The following TCF7L2 variants were observed in gnomAD, a reference collection of about 807,000 sequenced individuals.
The protein encoded by TCF7L2 is transcription factor 7-like 2.
In TCF7L2, 23 loss-of-function variants were observed where a neutral mutation model predicts 77.9. The ratio of observed to expected loss-of-function variants is 0.30; its 90% CI spans 0.21 to 0.42. The LOEUF is 0.42. Ranked by LOEUF, TCF7L2 falls within the 10% of genes least tolerant of loss-of-function variation. The pLI is 1.00. For synonymous variants in TCF7L2, 413 were observed against 340.2 expected (o/e 1.21, Z -2.36); for missense variants, 654 against 793.1 (o/e 0.82, Z 2.11).
In TCF7L2 at chr10:112,966,184, T is replaced by TTATATATATTTATATATATA. The variant is rs1477073663; in HGVS notation, c.450+1569_450+1570insTTATATATATATATATATAT. 4.6e-3 allele frequency among the ~76,000 whole-genome samples: 521 copies of TTATATATATTTATATATATA among 114,202 alleles called. 29 individuals are homozygous for TTATATATATTTATATATATA. Among genetic ancestry groups the TTATATATATTTATATATATA allele is most frequent in the African/African-American group, 0.013 (274 of 21,010 alleles). The allele number at this position is 114,202 out of a possible 152,430, so 74.9% of individuals were successfully genotyped here. A position where few individuals can be genotyped will look rare whatever the true frequency, so the allele number is the denominator to read the frequency against. ...GAGTGAGACTCTGTCTAAAATATAT[T>TTATATATATTTATATATATA]TATATATATATATATATATATATAT... On this transcript the variant is annotated intron_variant, in intron 4 of 13. Transcript: ENST00000627217.
chr10:113,043,790 T>TA (rs1328556022), intron 5 of TCF7L2, among the ~76,000 whole-genome samples: 2 of 152,160 alleles, frequency 1.3e-5, no homozygotes, highest in African/African-American at 4.8e-5. Flanking sequence ...TTTTTCCTCT[T>TA]ACAAAATGAG....
chr10:112,996,225 TGAGAAAAATGA>T (rs1271563269), intron 4 of TCF7L2, among the ~76,000 whole-genome samples: 2 of 151,966 alleles, frequency 1.3e-5, no homozygotes, highest in African/African-American at 4.8e-5. Context: ...TGTTGTGCAT[TGAGAAAAATGA>T]CTCTCGGAGG....
intron 5 of TCF7L2, among the ~76,000 whole-genome samples, chr10:113,135,565 G>A (rs537583053): frequency 9.2e-5 from 14 of 152,210 alleles, no homozygotes; most frequent in African/African-American, 2.9e-4. Flanking sequence ...TTAATGGTTC[G>A]GCTTTTTAGT....
intron 3 of TCF7L2, among the ~76,000 whole-genome samples, chr10:112,960,052 C>T (rs527748084): frequency 1.3e-5 from 2 of 151,968 alleles, no homozygotes; most frequent in East Asian, 3.9e-4. Context: ...AAATGTTCCA[C>T]CTCTTCCCAA....
At chr10:113,023,214 G>C (rs1455352522) in intron 4 of TCF7L2, among the ~76,000 whole-genome samples, 1 of 152,146 alleles carries the variant, frequency 6.6e-6, no homozygotes, top group Non-Finnish European at 1.5e-5. Flanking sequence ...TTTGTGCCCC[G>C]GTGTCTGCAA....
intron 4 of TCF7L2, among the ~76,000 whole-genome samples, chr10:112,975,260 G>A (rs1314477814): frequency 6.6e-6 from 1 of 152,158 alleles, no homozygotes; most frequent in Non-Finnish European, 1.5e-5. Context: ...TTTAAGGGGT[G>A]CAGCTAGGAA....
At position 112,982,224 on chromosome 10, in the gene TCF7L2, CT is replaced by C. The variant is rs528962598; in HGVS notation, c.450+17610del. Among the ~76,000 whole-genome samples the C allele has an allele frequency of 4.8e-3, 716 of 150,178 alleles. 9 individuals carry two copies. Among genetic ancestry groups the C allele is most frequent in the South Asian group, 0.027 (126 of 4,740 alleles). ...CTATCCCAGTATTTAATTTCCACCA[CT>C]TTTTTTTTTAAAAAATAACATAAGG... On this transcript the variant is annotated intron_variant, in intron 4 of 13. Transcript: ENST00000627217.
chr10:113,020,922 C>T (rs1261538879), intron 4 of TCF7L2, among the ~76,000 whole-genome samples: 5 of 152,076 alleles, frequency 3.3e-5, no homozygotes, highest in Non-Finnish European at 7.4e-5. Flanking sequence ...AACTGAAGGT[C>T]GGAGAGACTA....
At chr10:112,994,320 T>C (rs2043102296) in intron 4 of TCF7L2, among the ~76,000 whole-genome samples, 3 of 152,236 alleles carry the variant, frequency 2.0e-5, no homozygotes, top group South Asian at 2.1e-4. Flanking sequence ...AATGGTATCA[T>C]AAAATCTATG....
chr10:113,123,739 A>G (rs2065143114), intron 5 of TCF7L2, among the ~76,000 whole-genome samples: 1 of 152,202 alleles, frequency 6.6e-6, no homozygotes, highest in African/African-American at 2.4e-5. Context: ...TTTTTAAAAA[A>G]GGAGTGCTAG....
In TCF7L2 at chr10:113,151,902, CAG is replaced by C. The variant is rs1307361388; in HGVS notation, c.1161+19_1161+20del. 6.3e-7 allele frequency: 1 copy of C among 1,585,896 alleles called. No individual in the cohort carries two copies. Among genetic ancestry groups the C allele is most frequent in the Non-Finnish European group, 8.5e-7 (1 of 1,170,726 alleles). ...GGCGGAGGGTAGGTGACGCCCTTCT[CAG>C]GGAGAAGCGGGGGGCGGGTGGTGAG... is the stretch of plus-strand genomic sequence containing the variant. On this transcript the variant is annotated intron_variant, in intron 10 of 13. Transcript: ENST00000627217. This position sits in a 1 kb window ranked among gnomAD's most constrained non-coding sequence, Gnocchi z 5.2.
chr10:113,067,764 A>G (rs1413847128), intron 5 of TCF7L2, among the ~76,000 whole-genome samples: 2 of 151,878 alleles, frequency 1.3e-5, no homozygotes, highest in African/African-American at 4.8e-5. Flanking sequence ...TCATGGTTGA[A>G]CATTTTTTTT....
intron 5 of TCF7L2, among the ~76,000 whole-genome samples, chr10:113,116,745 G>A (rs368293022): frequency 6.7e-6 from 1 of 150,170 alleles, no homozygotes; most frequent in Non-Finnish European, 1.5e-5. Flanking sequence ...GATAATCTAG[G>A]TAAATAGATT....
At chr10:112,982,465 C>T (rs1564741882) in intron 4 of TCF7L2, among the ~76,000 whole-genome samples, 1 of 152,158 alleles carries the variant, frequency 6.6e-6, no homozygotes, top group Non-Finnish European at 1.5e-5. Flanking sequence ...GATAGCTGAT[C>T]ACCCTAACAC....
intron 4 of TCF7L2, among the ~76,000 whole-genome samples, chr10:113,032,542 A>G (rs910067211): frequency 3.0e-4 from 46 of 152,340 alleles, no homozygotes; most frequent in African/African-American, 1.1e-3. Flanking sequence ...GGACACTGAG[A>G]TGTTCCCTTC....
chr10:113,157,955 G>C (rs2072312996), intron 11 of TCF7L2, 66 bp from the exon 12 acceptor site: 34 of 1,511,090 alleles, frequency 2.3e-5, no homozygotes, highest in Non-Finnish European at 2.9e-5. Flanking sequence ...CCTTCCAGGT[G>C]CGCCCAGACA....
chr10:113,154,437 A>G (rs111366357), intron 11 of TCF7L2, among the ~76,000 whole-genome samples: 19 of 152,198 alleles, frequency 1.2e-4, no homozygotes, highest in East Asian at 7.7e-4. Context: ...CATATCCCCA[A>G]TAGACATTTT....
At chr10:112,951,324 G>A in intron 2 of TCF7L2, 51 bp downstream of exon 2, 1 of 987,886 alleles carries the variant, frequency 1.0e-6, no homozygotes. Flanking sequence ...CCCCCGGGCC[G>A]GCCGCCCCGC....
At chr10:113,097,691 A>C (rs529151895) in intron 5 of TCF7L2, among the ~76,000 whole-genome samples, 1 of 146,744 alleles carries the variant, frequency 6.8e-6, no homozygotes, top group African/African-American at 2.5e-5. Context: ...TGAGAAAGAT[A>C]TATGGAGGTG....
Sources: gnomAD v4.1 joint callset for allele counts (sites outside exome capture counted in the v4.1 genomes callset) on GRCh38, gnomAD v4.1.1 for gene constraint, Gnocchi (gnomAD v3.1) non-coding constraint, MANE v1.5 for transcripts, NCBI Gene and HGNC (gene_info 2026-07-23, HGNC 2026-07-21) for gene names.